ZNF160: variants seen among roughly 807,000 people sequenced by gnomAD.
The protein encoded by ZNF160 is KRAB zinc finger protein KR18.
In ZNF160, 9 loss-of-function variants were observed where a neutral mutation model predicts 13.1. The observed-to-expected ratio is 0.69, with a 90% CI of 0.41 to 1.20. The LOEUF is 1.20. Among genes scored for constraint, ZNF160 ranks in the 50% most tolerant of loss-of-function variants. The pLI, the probability that ZNF160 is intolerant of heterozygous loss-of-function variation, is 0.01. For synonymous variants in ZNF160, 293 were observed against 333.2 expected, an observed-to-expected ratio of 0.88 and a Z score of 1.31; for missense variants, 838 against 988.0, an observed-to-expected ratio of 0.85 and a Z score of 2.04.
chr19:53,079,329 T>C (rs980767196), intron 3 of ZNF160, among the ~76,000 whole-genome samples: 5 of 152,014 alleles, frequency 3.3e-5, no homozygotes, highest in Admixed American at 1.3e-4. Context: ...GGCAGGTGGA[T>C]CACCTGAGGT....
rs994571708 is a variant in ZNF160, at chr19:53,075,505, G to A, written c.16-322C>T. ...GTGGTCACTGGAAAGGCTGAGGCTC[G>A]GTTAGACTAAGCCTCTGTCCTCTCG... On this transcript the variant is annotated intron_variant, in intron 3 of 5. Coordinates refer to ENST00000683776, the MANE Select transcript of ZNF160 (RefSeq NM_001322131.2). 2.8e-5 allele frequency: 10 copies of A among 358,054 alleles called. 1 individual carries two copies. The highest frequency in any genetic ancestry group is 1.1e-4 in the African/African-American group (5 of 47,056). The allele number at this position is 358,054 out of a possible 1,614,324, so 22.2% of individuals were successfully genotyped here.
At chr19:53,094,092 G>C in intron 1 of ZNF160, among the ~76,000 whole-genome samples, 1 of 152,178 alleles carries the variant, frequency 6.6e-6, no homozygotes, top group South Asian at 2.1e-4. Flanking sequence ...AAAGCTTCTT[G>C]ATCTACAACA....
Position 53,091,534 on chromosome 19 carries a change from G to T in ZNF160, c.-167C>A. ...AGGCCAGGAGTTGGGAGGTGCCTGA[G>T]GGATGAAGTGGGCGGGGGACTTGGG... On this transcript the variant is annotated 5_prime_UTR_variant, in exon 2 of 6. Transcript: ENST00000683776. 1 of 152,352 alleles carries T rather than the reference G, an allele frequency of 6.6e-6. No homozygotes were observed. 9.4% of individuals were successfully genotyped at this position (152,352 alleles called of 1,614,324 possible).
chr19:53,073,323 T>G (rs1253807519), intron 5 of ZNF160: 1 of 1,595,012 alleles, frequency 6.3e-7, no homozygotes. Context: ...TTTACGGTTA[T>G]GCTGAGAACA....
chr19:53,085,221 A>G, intron 3 of ZNF160: 1 of 985,370 alleles, frequency 1.0e-6, no homozygotes. Flanking sequence ...CCTGTTTCCT[A>G]ACACGAAAAC....
chr19:53,069,855 C>T lies in ZNF160; in HGVS notation c.679G>A (p.Val227Ile). ...VSPLQQIPSS[V>I]QTHRSKKYHE... ...TATTTTTTAGACCTGTGGGTTTGGA[C>T]ACTAGAAGGAATTTGTTGAAGTGGT... Residue 227 changes from valine to isoleucine, a missense_variant, in exon 6 of 6, where the codon GTC (valine) becomes ATC (isoleucine). Coordinates refer to ENST00000683776, the MANE Select transcript of ZNF160 (RefSeq NM_001322131.2). The surrounding 1 kb of genome is among the most constrained non-coding windows in gnomAD (Gnocchi z 4.4). 1 of 1,614,058 alleles carries T rather than the reference C, an allele frequency of 6.2e-7. No homozygotes were observed. Among genetic ancestry groups the T allele is most frequent in the Non-Finnish European group, 8.5e-7 (1 of 1,180,024 alleles).
Position 53,069,422 on chromosome 19 carries a change from C to A in ZNF160, c.1112G>T (p.Cys371Phe). The part of the protein sequence containing the change: ...LIHTGEKPFK[C>F]NECGKLFTQN... ...AGTGAAGAGCTTGCCACATTCATTA[C>A]ATTTGAACGGTTTTTCTCCAGTATG... Residue 371 changes from cysteine (C) to phenylalanine (F), a missense_variant, in exon 6 of 6, where the codon TGT becomes TTT. Cys to Phe is a radical substitution (Grantham distance 205). Transcript: ENST00000683776. The surrounding 1 kb of genome is among the most constrained non-coding windows in gnomAD (Gnocchi z 4.4). 6.2e-7 allele frequency: 1 copy of A among 1,614,106 alleles called. No individual in the cohort carries two copies. The highest frequency in any genetic ancestry group is 8.5e-7 in the Non-Finnish European group (1 of 1,180,026).
chr19:53,068,063 T>A lies in ZNF160; in HGVS notation c.*14A>T. ...TGTGAAAGGAGTGAATTGTACCTAA[T>A]GACCTCACCACACTCATTTGTAAGG... On this transcript the variant is annotated 3_prime_UTR_variant, in exon 6 of 6. Coordinates refer to ENST00000683776, the MANE Select transcript of ZNF160 (RefSeq NM_001322131.2). 1 of 1,581,620 alleles carries A rather than the reference T, an allele frequency of 6.3e-7. No homozygotes were observed.
chr19:53,096,458 G>A (rs2085238811), intron 1 of ZNF160, among the ~76,000 whole-genome samples: 1 of 151,262 alleles, frequency 6.6e-6, no homozygotes, highest in Non-Finnish European at 1.5e-5. Flanking sequence ...ACATCTGGCT[G>A]ACTATGGGAT....
chr19:53,079,732 A>C (rs1356887289), intron 3 of ZNF160, among the ~76,000 whole-genome samples: 1 of 151,910 alleles, frequency 6.6e-6, no homozygotes, highest in African/African-American at 2.4e-5. Context: ...CAAGAGTAAA[A>C]CAGTATGCCT....
At chr19:53,070,657 G>C (rs1467815561) in intron 5 of ZNF160, among the ~76,000 whole-genome samples, 1 of 152,092 alleles carries the variant, frequency 6.6e-6, no homozygotes, top group Admixed American at 6.6e-5. Flanking sequence ...CTCATGAGCC[G>C]CCTGCCTCGG....
chr19:53,100,672 T>A (rs1324504743), intron 1 of ZNF160, among the ~76,000 whole-genome samples: 1 of 150,078 alleles, frequency 6.7e-6, no homozygotes, highest in African/African-American at 2.5e-5. Context: ...CACTGATATC[T>A]TTACCAAATA....
At chr19:53,073,324 G>A in intron 5 of ZNF160, 5 of 1,595,758 alleles carry the variant, frequency 3.1e-6, no homozygotes, top group Non-Finnish European at 4.2e-6. Context: ...TTACGGTTAT[G>A]CTGAGAACAA....
intron 3 of ZNF160, 110 bp downstream of exon 3, chr19:53,086,152 C>A: frequency 7.3e-7 from 1 of 1,370,834 alleles, no homozygotes; most frequent in East Asian, 2.3e-5. Flanking sequence ...CGGGTGAGTG[C>A]TAGCAAACAT....
intron 3 of ZNF160, chr19:53,076,780 G>A (rs957848246): frequency 6.6e-6 from 1 of 152,226 alleles, no homozygotes; most frequent in Non-Finnish European, 1.5e-5. Flanking sequence ...CCACATCAGA[G>A]GTCAGAACTC....
At chr19:53,092,593 C>T (rs550454479) in intron 1 of ZNF160, among the ~76,000 whole-genome samples, 2 of 152,330 alleles carry the variant, frequency 1.3e-5, no homozygotes, top group Non-Finnish European at 2.9e-5. Flanking sequence ...GGATTACAGG[C>T]GTGAGCTACC....
At chr19:53,090,044 G>A (rs1308385623) in intron 2 of ZNF160, among the ~76,000 whole-genome samples, 1 of 142,250 alleles carries the variant, frequency 7.0e-6, no homozygotes, top group Non-Finnish European at 1.5e-5. Flanking sequence ...CTCCCCCTCT[G>A]CTCCCCCTAT....
intron 1 of ZNF160, chr19:53,093,445 CA>C (rs11340617): frequency 0.88 from 133,102 of 151,592 alleles, 58,493 homozygotes; most frequent in Middle Eastern, 0.94. Flanking sequence ...TCTAAAAAAA[CA>C]AAAAAAAAGA....
At chr19:53,070,402 T>G (rs2084124512) in intron 5 of ZNF160, 140 bp from the exon 6 acceptor site, 2 of 950,692 alleles carry the variant, frequency 2.1e-6, no homozygotes, top group Non-Finnish European at 2.9e-6. Context: ...TTTCAATTGT[T>G]AGGAACAAAA....
Sources: allele counts gnomAD v4.1 joint callset (sites outside exome capture counted in the v4.1 genomes callset), GRCh38; gene constraint gnomAD v4.1.1; non-coding constraint Gnocchi (gnomAD v3.1); transcripts MANE v1.5; gene names NCBI Gene and HGNC (gene_info 2026-07-23, HGNC 2026-07-21).